The following CPLX2 variants were observed in gnomAD, a reference collection of about 807,000 sequenced individuals.
The protein encoded by CPLX2 is complexin-2.
CPLX2 carries 5 observed loss-of-function variants against 16.3 expected under a neutral mutation model. That is an observed-to-expected ratio of 0.31 (90% CI 0.16 to 0.64). The LOEUF (loss-of-function observed/expected upper bound fraction) is 0.64. Ranked by LOEUF, CPLX2 falls within the 30% of genes least tolerant of loss-of-function variation. The pLI is 0.79. For synonymous variants in CPLX2, 89 were observed against 73.2 expected, an observed-to-expected ratio of 1.22 and a Z score of -1.10; for missense variants, 144 against 181.4, an observed-to-expected ratio of 0.79 and a Z score of 1.18.
In CPLX2 at chr5:175,815,990, C is replaced by T. The variant is rs548948889; in HGVS notation, c.-89+6922C>T. Among the ~76,000 whole-genome samples the T allele has an allele frequency of 5.9e-5, 9 of 152,330 alleles. No individual in the cohort carries two copies. The East Asian group carries it at 1.7e-3, about 29-fold the overall frequency. On this transcript the variant is annotated intron_variant, in intron 2 of 4. Transcript: ENST00000359546. Reference sequence around the variant, plus strand: ...AGGTCTCAAGGTTATACTGTGGCAACCAGTTAATCCTCAAATCCTGTTGTG... The same window carrying T: ...AGGTCTCAAGGTTATACTGTGGCAATCAGTTAATCCTCAAATCCTGTTGTG...
At chr5:175,825,356 C>T (rs1339753238) in intron 2 of CPLX2, among the ~76,000 whole-genome samples, 2 of 151,540 alleles carry the variant, frequency 1.3e-5, no homozygotes, top group Admixed American at 6.6e-5. Flanking sequence ...CACCACTGCA[C>T]TCCAGCCTGG....
At chr5:175,878,884 C>T (rs956830362) in intron 2 of CPLX2, 24 bp from the exon 3 acceptor site, 3 of 1,610,530 alleles carry the variant, frequency 1.9e-6, no homozygotes, top group Non-Finnish European at 2.5e-6. Flanking sequence ...ACCCCGCCCT[C>T]TCCTTCCCAC....
At chr5:175,841,013 G>A (rs1758935023) in intron 2 of CPLX2, among the ~76,000 whole-genome samples, 1 of 152,152 alleles carries the variant, frequency 6.6e-6, no homozygotes, top group Non-Finnish European at 1.5e-5. Flanking sequence ...CCACAGTTGG[G>A]GAAACTGAGA....
intron 2 of CPLX2, among the ~76,000 whole-genome samples, chr5:175,839,015 C>G (rs1434075120): frequency 6.6e-6 from 1 of 152,112 alleles, no homozygotes; most frequent in Admixed American, 6.6e-5. Context: ...CAAGGAAGGT[C>G]GTCCTGGCAA....
intron 2 of CPLX2, among the ~76,000 whole-genome samples, chr5:175,826,061 C>T (rs1758609242): frequency 6.7e-6 from 1 of 149,422 alleles, no homozygotes; most frequent in Non-Finnish European, 1.5e-5. Context: ...CTCAGGGATG[C>T]ACAGGGCTTG....
intron 2 of CPLX2, among the ~76,000 whole-genome samples, chr5:175,826,528 T>C (rs1412010015): frequency 6.6e-6 from 1 of 152,142 alleles, no homozygotes; most frequent in Non-Finnish European, 1.5e-5. Context: ...GCAAAAGCGA[T>C]AGGCCAGCAG....
rs1478135391 is a variant in CPLX2 at position 175,854,117 on chromosome 5, T to C, written c.-88-24535T>C. Among the ~76,000 whole-genome samples the C allele has an allele frequency of 2.6e-5, 4 of 152,178 alleles. No individual in the cohort carries two copies. In the East Asian group the frequency reaches 7.7e-4, roughly 29 times the overall value. On this transcript the variant is annotated intron_variant, in intron 2 of 4. Transcript: ENST00000359546. ...CCAGGTTCTCCAGCTTCATGCCCGG[T>C]GCCCTGTCCCCAGCACCCCTGAGCC...
At chr5:175,829,725 C>T (rs768384620) in intron 2 of CPLX2, among the ~76,000 whole-genome samples, 5 of 152,218 alleles carry the variant, frequency 3.3e-5, no homozygotes, top group African/African-American at 9.6e-5. Context: ...GCAGAAGACC[C>T]ACTGCACAAA....
Position 175,880,003 on chromosome 5 carries a change from C to T in CPLX2, c.363C>T (p.Leu121=). 4 of 1,613,920 alleles carry T rather than the reference C, an allele frequency of 2.5e-6. No individual in the cohort carries two copies. Among genetic ancestry groups the T allele is most frequent in the Non-Finnish European group, 3.4e-6 (4 of 1,179,946 alleles). Residue 121 remains leucine (L), a synonymous_variant, in exon 4 of 4, where the codon CTC becomes CTT. Coordinates refer to ENST00000393745, the MANE Select transcript of CPLX2 (RefSeq NM_001008220.2). ...AGGAGAGCATCCTGGACACGGTGCT[C>T]AAATACCTGCCCGGGCCGCTGCAGG... is the stretch of plus-strand genomic sequence containing the variant. The part of the protein sequence containing the change: ...EEEESILDTV[L]KYLPGPLQDM...
chr5:175,871,459 GA>G (rs1759609696), upstream of CPLX2: 2 of 142,646 alleles, frequency 1.4e-5, no homozygotes, highest in Admixed American at 7.0e-5. Flanking sequence ...GAGAGAGAGA[GA>G]GAGAGAGAGA....
chr5:175,803,746 A>G (rs558937020), intron 1 of CPLX2, among the ~76,000 whole-genome samples: 1 of 152,334 alleles, frequency 6.6e-6, no homozygotes, highest in South Asian at 2.1e-4. Context: ...TCAGCCAGTA[A>G]GGGGTGGATG....
chr5:175,853,652 G>A (rs536748525), intron 2 of CPLX2, among the ~76,000 whole-genome samples: 2 of 152,140 alleles, frequency 1.3e-5, no homozygotes, highest in African/African-American at 4.8e-5. Context: ...AAGAGGAGAC[G>A]GTACAAAGTC....
intron 2 of CPLX2, among the ~76,000 whole-genome samples, chr5:175,817,047 G>T (rs895601159): frequency 6.6e-6 from 1 of 152,244 alleles, no homozygotes; most frequent in African/African-American, 2.4e-5. Context: ...TGCACTCGGG[G>T]ATACCGACCC....
chr5:175,845,068 A>G lies in CPLX2; in HGVS notation c.-88-33584A>G, dbSNP rs75494409. Among the ~76,000 whole-genome samples the G allele has an allele frequency of 1.9e-3, 296 of 152,310 alleles. 6 individuals carry two copies. The East Asian group carries it at 0.04, about 21-fold the overall frequency. On this transcript the variant is annotated intron_variant, in intron 2 of 4. Transcript: ENST00000359546. The surrounding 1 kb of genome is among the most constrained non-coding windows in gnomAD (Gnocchi z 4.0). ...AAGCCCCAGGCAGGCCCAGATGGTG[A>G]CCCAAGAGAGCCTTCCGTGCCCATG...
At position 175,849,826 on chromosome 5, in the gene CPLX2, C is replaced by T. The variant is rs1196703281; in HGVS notation, c.-88-28826C>T. On this transcript the variant is annotated intron_variant, in intron 2 of 4. Transcript: ENST00000359546. This position sits in a 1 kb window ranked among gnomAD's most constrained non-coding sequence, Gnocchi z 4.4. ...CTTGCCTTGCTCCAGCCATTGGGGTCATGGCATGTGGCCTCTCACCAGGTG... is the reference window on the plus strand; with the variant it reads ...CTTGCCTTGCTCCAGCCATTGGGGTTATGGCATGTGGCCTCTCACCAGGTG... 6.6e-5 allele frequency among the ~76,000 whole-genome samples: 10 copies of T among 152,216 alleles called. No homozygotes were observed. Among genetic ancestry groups the T allele is most frequent in the Admixed American group, 6.5e-4 (10 of 15,292 alleles).
intron 2 of CPLX2, among the ~76,000 whole-genome samples, chr5:175,827,477 G>A (rs148136423): frequency 9.0e-4 from 137 of 152,258 alleles, no homozygotes; most frequent in Admixed American, 1.6e-3. Context: ...GATGATGGCC[G>A]GGTGCAGTCC....
At position 175,878,729 on chromosome 5, in the gene CPLX2, G is replaced by A; in HGVS notation, c.-11G>A. 1 of 1,613,256 alleles carries A rather than the reference G, an allele frequency of 6.2e-7. No homozygotes were observed. The highest frequency in any genetic ancestry group is 8.5e-7 in the Non-Finnish European group (1 of 1,179,822). ...GCCGTGGGCTAAGGCACGCTAACCA[G>A]AGCCGGCGGCATGGACTTCGTCATG... On this transcript the variant is annotated 5_prime_UTR_variant, in exon 2 of 4. Coordinates refer to ENST00000393745, the MANE Select transcript of CPLX2 (RefSeq NM_001008220.2).
intron 2 of CPLX2, among the ~76,000 whole-genome samples, chr5:175,841,813 C>T (rs1758949726): frequency 6.6e-6 from 1 of 152,186 alleles, no homozygotes; most frequent in South Asian, 2.1e-4. Flanking sequence ...TTGGACAAGT[C>T]TTCTTTTCTA....
chr5:175,879,745 G>A, intron 3 of CPLX2, 103 bp from the exon 4 acceptor site: 1 of 1,076,976 alleles, frequency 9.3e-7, no homozygotes, highest in Non-Finnish European at 1.4e-6. Context: ...TGAGGCTTGG[G>A]AGGCACTCCT....
Sources: gnomAD v4.1 joint callset for allele counts (sites outside exome capture counted in the v4.1 genomes callset) on GRCh38, gnomAD v4.1.1 for gene constraint, Gnocchi (gnomAD v3.1) non-coding constraint, MANE v1.5 for transcripts, NCBI Gene and HGNC (gene_info 2026-07-23, HGNC 2026-07-21) for gene names.